MYLIP: variants seen among roughly 807,000 people sequenced by gnomAD.
MYLIP encodes the protein E3 ubiquitin-protein ligase MYLIP.
In MYLIP, 26 loss-of-function variants were observed where a neutral mutation model predicts 45.8. That is an observed-to-expected ratio of 0.57 (90% CI 0.42 to 0.79). The LOEUF is 0.79. Among genes scored for constraint, MYLIP ranks in the 30% least tolerant of loss-of-function variants. MYLIP has a pLI of 0.00. For missense variants in MYLIP, 494 were observed against 555.6 expected (o/e 0.89, Z 1.11); for synonymous variants, 213 against 218.1 (o/e 0.98, Z 0.21).
At position 16,144,794 on chromosome 6, in the gene MYLIP, A is replaced by C. The variant is rs1416860088; in HGVS notation, c.828-103A>C. The C allele has an allele frequency of 3.1e-6, 4 of 1,309,218 alleles. No individual in the cohort carries two copies. The East Asian group carries it at 9.3e-5, about 30-fold the overall frequency. 81.1% of individuals were successfully genotyped at this position (1,309,218 alleles called of 1,614,324 possible). ...ACTTACTTTCATACATGCAGACGAG[A>C]CTATGAAACATCTGCTGACATTTCT... On this transcript the variant is annotated intron_variant, in intron 5 of 6. Coordinates refer to ENST00000356840, the MANE Select transcript of MYLIP (RefSeq NM_013262.4).
rs373942444 is a variant in MYLIP at position 16,147,298 on chromosome 6, T to C, written c.*547T>C. On this transcript the variant is annotated 3_prime_UTR_variant, in exon 7 of 7. Transcript: ENST00000356840. ...AAGAATGATTGGAAGGCAAACAGGT[T>C]TACAAATCAATTCTGTGACTTTTAA... is the stretch of plus-strand genomic sequence containing the variant. The C allele has an allele frequency of 2.0e-4, 30 of 153,620 alleles. No individual in the cohort carries two copies. In the South Asian group the frequency reaches 5.3e-3, roughly 27 times the overall value. The allele number at this position is 153,620 out of a possible 1,614,324, so 9.5% of individuals were successfully genotyped here. A position where few individuals can be genotyped will look rare whatever the true frequency, so the allele number is the denominator to read the frequency against.
At chr6:16,132,150 A>C (rs1179441351) in intron 2 of MYLIP, among the ~76,000 whole-genome samples, 1 of 152,208 alleles carries the variant, frequency 6.6e-6, no homozygotes, top group East Asian at 1.9e-4. Context: ...TTTTGATGGC[A>C]CAAAATTATT....
chr6:16,135,755 C>CTATATA (rs10593630), intron 2 of MYLIP, among the ~76,000 whole-genome samples: 107 of 125,226 alleles, frequency 8.5e-4, no homozygotes, highest in Non-Finnish European at 1.3e-3. Flanking sequence ...ATACATATAT[C>CTATATA]TATATATATA....
chr6:16,133,654 T>G (rs1408462472), intron 2 of MYLIP, among the ~76,000 whole-genome samples: 1 of 152,244 alleles, frequency 6.6e-6, no homozygotes, highest in Non-Finnish European at 1.5e-5. Flanking sequence ...CAATTCTGAC[T>G]GGATTTTGTC....
chr6:16,161,139 C>T, the MYLIP span: 1 of 169,556 alleles, frequency 5.9e-6, no homozygotes, highest in Admixed American at 6.3e-5. Flanking sequence ...TCTATTCCAT[C>T]CTCTGCTTCT....
the MYLIP span, among the ~76,000 whole-genome samples, chr6:16,162,615 T>A: frequency 1.1e-4 from 16 of 152,000 alleles, no homozygotes; most frequent in African/African-American, 3.9e-4. Flanking sequence ...ATATATATGA[T>A]ATATCCAGAG....
intron 2 of MYLIP, among the ~76,000 whole-genome samples, chr6:16,137,935 C>T (rs1308190910): frequency 1.3e-5 from 2 of 151,984 alleles, no homozygotes; most frequent in Admixed American, 1.3e-4. Context: ...TCTGTGCCCA[C>T]GATGCCAGGA....
chr6:16,129,639 C>T lies in MYLIP; in HGVS notation c.87+230C>T, dbSNP rs1405253872. On this transcript the variant is annotated intron_variant, in intron 1 of 6. Coordinates refer to ENST00000356840, the MANE Select transcript of MYLIP (RefSeq NM_013262.4). This position sits in a 1 kb window ranked among gnomAD's most constrained non-coding sequence, Gnocchi z 5.1. ...AGCGGGGGTCCCCAGCGCTGAGGGC[C>T]GGGCGCAGCCCGCAGCCGGGATCCA... Among the ~76,000 whole-genome samples the T allele has an allele frequency of 3.9e-5, 6 of 152,168 alleles. No homozygotes were observed. Among genetic ancestry groups the T allele is most frequent in the Non-Finnish European group, 1.5e-5 (1 of 68,010 alleles).
At chr6:16,162,204 G>T in the MYLIP span, among the ~76,000 whole-genome samples, 24 of 152,282 alleles carry the variant, frequency 1.6e-4, no homozygotes, top group South Asian at 3.3e-3. Context: ...CTTTTGAAGT[G>T]GTTTATGGGG....
chr6:16,136,970 C>T (rs1561787178), intron 2 of MYLIP, among the ~76,000 whole-genome samples: 1 of 152,114 alleles, frequency 6.6e-6, no homozygotes, highest in Non-Finnish European at 1.5e-5. Context: ...AATGTATTTC[C>T]TCCTGTGGCT....
intron 2 of MYLIP, among the ~76,000 whole-genome samples, chr6:16,136,156 A>T (rs1161068566): frequency 6.6e-6 from 1 of 152,144 alleles, no homozygotes; most frequent in Non-Finnish European, 1.5e-5. Context: ...TGTTTAAATA[A>T]AACTGCTATC....
rs942278072 is a variant in MYLIP at position 16,146,810 on chromosome 6, T to G, written c.*59T>G. The G allele has an allele frequency of 3.0e-6, 4 of 1,344,570 alleles. No individual in the cohort carries two copies. Among genetic ancestry groups the G allele is most frequent in the Non-Finnish European group, 3.1e-6 (3 of 961,500 alleles). 83.3% of individuals were successfully genotyped at this position (1,344,570 alleles called of 1,614,324 possible). A position where few individuals can be genotyped will look rare whatever the true frequency, so the allele number is the denominator to read the frequency against. On this transcript the variant is annotated 3_prime_UTR_variant, in exon 7 of 7. Transcript: ENST00000356840. ...CATGAACTGCACTATTATAAACTAT[T>G]AAAATGATAGATTGTGGAGAAAGTA...
chr6:16,161,736 A>C, the MYLIP span, among the ~76,000 whole-genome samples: 1 of 152,208 alleles, frequency 6.6e-6, no homozygotes, highest in Non-Finnish European at 1.5e-5. Context: ...AACACCACTC[A>C]TTACCTATAT....
downstream of MYLIP, among the ~76,000 whole-genome samples, chr6:16,152,808 A>T (rs1369040074): frequency 6.6e-6 from 1 of 152,202 alleles, no homozygotes; most frequent in Non-Finnish European, 1.5e-5. Flanking sequence ...AAGGTGAGCC[A>T]GAGCTTGCCA....
At chr6:16,162,561 A>G in the MYLIP span, among the ~76,000 whole-genome samples, 1 of 152,166 alleles carries the variant, frequency 6.6e-6, no homozygotes, top group Admixed American at 6.5e-5. Context: ...CTAATGTAAA[A>G]CATGCAGCAG....
Position 16,129,303 on chromosome 6 carries a change from C to A in MYLIP, c.-20C>A. The A allele has an allele frequency of 6.4e-7, 1 of 1,553,468 alleles. No homozygotes were observed. Among genetic ancestry groups the A allele is most frequent in the Non-Finnish European group, 8.7e-7 (1 of 1,149,542 alleles). Reference sequence around the variant, plus strand: ...CACACCAAAGAGAAGGCGGCTGTGGCGGCAGCGGCAGCCCCAGCCATGCTG... The same window carrying A: ...CACACCAAAGAGAAGGCGGCTGTGGAGGCAGCGGCAGCCCCAGCCATGCTG... On this transcript the variant is annotated 5_prime_UTR_variant, in exon 1 of 7. Coordinates refer to ENST00000356840, the MANE Select transcript of MYLIP (RefSeq NM_013262.4). This position sits in a 1 kb window ranked among gnomAD's most constrained non-coding sequence, Gnocchi z 5.1.
downstream of MYLIP, among the ~76,000 whole-genome samples, chr6:16,150,680 G>T (rs376453101): frequency 3.5e-4 from 53 of 152,258 alleles, 1 homozygote; most frequent in South Asian, 0.011. Context: ...AGGAATAAAT[G>T]GAGAGCCTGG....
chr6:16,152,704 A>G (rs1759892583), downstream of MYLIP, among the ~76,000 whole-genome samples: 1 of 152,230 alleles, frequency 6.6e-6, no homozygotes, highest in Non-Finnish European at 1.5e-5. Context: ...CAAAGCAGGT[A>G]TCAGGTGCTG....
intron 1 of MYLIP, 147 bp from the exon 2 acceptor site, chr6:16,130,410 T>C (rs1273024838): frequency 5.5e-6 from 4 of 721,754 alleles, no homozygotes; most frequent in Non-Finnish European, 9.2e-6. Flanking sequence ...ATTGGAGCCG[T>C]GGAACTTTGT....
Sources: gnomAD v4.1 joint callset for allele counts (sites outside exome capture counted in the v4.1 genomes callset) on GRCh38, gnomAD v4.1.1 for gene constraint, Gnocchi (gnomAD v3.1) non-coding constraint, MANE v1.5 for transcripts, NCBI Gene and HGNC (gene_info 2026-07-23, HGNC 2026-07-21) for gene names.